The following ZFPM2 variants were observed in gnomAD, a reference collection of about 807,000 sequenced individuals.
ZFPM2 encodes zinc finger protein, FOG family member 2.
Under a neutral mutation model 98.6 loss-of-function variants are expected in ZFPM2, and 20 were observed. The ratio of observed to expected loss-of-function variants is 0.20; its 90% confidence interval spans 0.14 to 0.29. The LOEUF is 0.29. Ranked by LOEUF, ZFPM2 falls within the 10% of genes least tolerant of loss-of-function variation. The probability of loss-of-function intolerance (pLI) is 1.00; values close to 1 mark genes in which losing one functional copy is unlikely to be tolerated. For missense variants in ZFPM2, 1,310 were observed against 1,388.6 expected, an observed-to-expected ratio of 0.94 and a Z score of 0.90; for synonymous variants, 518 against 502.7, an observed-to-expected ratio of 1.03 and a Z score of -0.41.
intron 1 of ZFPM2, among the ~76,000 whole-genome samples, chr8:105,388,581 C>G (rs1314457511): frequency 1.3e-5 from 2 of 152,060 alleles, no homozygotes. Context: ...CGACTACATG[C>G]GGGCAGTAGA....
intron 3 of ZFPM2, among the ~76,000 whole-genome samples, chr8:105,558,684 G>A (rs1213883517): frequency 6.6e-6 from 1 of 152,082 alleles, no homozygotes; most frequent in African/African-American, 2.4e-5. Flanking sequence ...ATATGTCAGT[G>A]GCAGAAAGAG....
At chr8:105,475,320 A>G (rs1169108802) in intron 3 of ZFPM2, among the ~76,000 whole-genome samples, 1 of 152,194 alleles carries the variant, frequency 6.6e-6, no homozygotes, top group African/African-American at 2.4e-5. Context: ...TGACATCTCA[A>G]CCAACGATTC....
At chr8:105,649,397 C>A (rs1471675070) in intron 5 of ZFPM2, among the ~76,000 whole-genome samples, 1 of 152,100 alleles carries the variant, frequency 6.6e-6, no homozygotes, top group Non-Finnish European at 1.5e-5. Context: ...ATTGCCCTGG[C>A]CAGAACTTCC....
chr8:105,386,927 T>C (rs878877296), intron 1 of ZFPM2, among the ~76,000 whole-genome samples: 1 of 151,750 alleles, frequency 6.6e-6, no homozygotes, highest in African/African-American at 2.4e-5. Flanking sequence ...CCCACCAGAG[T>C]AGGTAGATAC....
At chr8:105,709,119 G>A (rs1011617471) in intron 5 of ZFPM2, among the ~76,000 whole-genome samples, 8 of 152,120 alleles carry the variant, frequency 5.3e-5, no homozygotes, top group African/African-American at 1.9e-4. Flanking sequence ...TGTGCCTTTT[G>A]ATAGTGTGTA....
chr8:105,617,276 A>G (rs1313068301), intron 4 of ZFPM2, among the ~76,000 whole-genome samples: 1 of 151,954 alleles, frequency 6.6e-6, no homozygotes, highest in Non-Finnish European at 1.5e-5. Context: ...TCACCTCTGC[A>G]CTATTTCCAC....
intron 3 of ZFPM2, among the ~76,000 whole-genome samples, chr8:105,448,672 G>A (rs879515723): frequency 1.3e-5 from 2 of 151,998 alleles, no homozygotes; most frequent in Admixed American, 6.6e-5. Flanking sequence ...ATTCTGGCAT[G>A]TTAAGTTCAG....
intron 1 of ZFPM2, among the ~76,000 whole-genome samples, chr8:105,333,056 C>T (rs908354216): frequency 4.0e-5 from 6 of 151,652 alleles, no homozygotes; most frequent in African/African-American, 1.5e-4. Flanking sequence ...TTGATAATTG[C>T]TTTGATCCTA....
intron 5 of ZFPM2, among the ~76,000 whole-genome samples, chr8:105,751,327 G>A (rs957717389): frequency 2.0e-5 from 3 of 152,032 alleles, no homozygotes; most frequent in African/African-American, 4.8e-5. Flanking sequence ...ACTAAACTAC[G>A]ATTAAAATAT....
chr8:105,785,891 A>C (rs1463631226), intron 5 of ZFPM2, among the ~76,000 whole-genome samples: 1 of 151,866 alleles, frequency 6.6e-6, no homozygotes, highest in Non-Finnish European at 1.5e-5. Context: ...AAATACAAAA[A>C]ATTAGCTGCG....
At chr8:105,766,239 G>T (rs1223450543) in intron 5 of ZFPM2, among the ~76,000 whole-genome samples, 2 of 151,894 alleles carry the variant, frequency 1.3e-5, no homozygotes, top group Non-Finnish European at 2.9e-5. Context: ...CTATGAATGT[G>T]AGAAATCGAA....
At chr8:105,375,729 A>G (rs1158338342) in intron 1 of ZFPM2, among the ~76,000 whole-genome samples, 4 of 152,166 alleles carry the variant, frequency 2.6e-5, no homozygotes, top group Non-Finnish European at 5.9e-5. Context: ...AATGTAGACA[A>G]AAGTACAAAC....
chr8:105,788,501 C>T (rs886132876), intron 5 of ZFPM2, among the ~76,000 whole-genome samples: 1 of 152,120 alleles, frequency 6.6e-6, no homozygotes, highest in Non-Finnish European at 1.5e-5. Context: ...TTCTTAGTCT[C>T]CTCCTACTTC....
chr8:105,545,264 A>T (rs1445555313), intron 3 of ZFPM2, among the ~76,000 whole-genome samples: 3 of 152,128 alleles, frequency 2.0e-5, no homozygotes, highest in Non-Finnish European at 4.4e-5. Context: ...AGAAATTAGG[A>T]TTGTCCCTGA....
intron 3 of ZFPM2, among the ~76,000 whole-genome samples, chr8:105,557,002 G>T (rs1400762844): frequency 6.6e-6 from 1 of 152,046 alleles, no homozygotes; most frequent in Non-Finnish European, 1.5e-5. Context: ...AGTATTACAG[G>T]CCTGAGCCAC....
At chr8:105,669,247 C>T (rs1457459227) in intron 5 of ZFPM2, among the ~76,000 whole-genome samples, 3 of 151,852 alleles carry the variant, frequency 2.0e-5, no homozygotes, top group Admixed American at 1.3e-4. Context: ...TACATATATA[C>T]GTAATGTCTT....
chr8:105,710,274 A>T (rs1293426923), intron 5 of ZFPM2, among the ~76,000 whole-genome samples: 1 of 152,150 alleles, frequency 6.6e-6, no homozygotes, highest in East Asian at 1.9e-4. Context: ...GTCACCAGGG[A>T]GGTTCTGTCG....
chr8:105,800,852 T>C (rs1227306811), intron 7 of ZFPM2, among the ~76,000 whole-genome samples, 195 bp from the exon 8 acceptor site: 4 of 152,142 alleles, frequency 2.6e-5, no homozygotes, highest in African/African-American at 7.2e-5. Flanking sequence ...GAAAGTACTT[T>C]GAAAACTATA....
At chr8:105,539,889 C>T (rs1814540131) in intron 3 of ZFPM2, among the ~76,000 whole-genome samples, 1 of 152,068 alleles carries the variant, frequency 6.6e-6, no homozygotes, top group South Asian at 2.1e-4. Context: ...ATTCATGTTT[C>T]CTTCATCTGT....
Sources: gnomAD v4.1 joint callset for allele counts (sites outside exome capture counted in the v4.1 genomes callset) on GRCh38, gnomAD v4.1.1 for gene constraint, MANE v1.5 for transcripts, NCBI Gene and HGNC (gene_info 2026-07-23, HGNC 2026-07-21) for gene names.